Variants in CAMSAP1 observed in about 807,000 individuals in gnomAD.
The protein encoded by CAMSAP1 is calmodulin regulated spectrin associated protein 1.
A neutral mutation model predicts 143.5 loss-of-function variants in CAMSAP1; 58 were observed. The observed-to-expected ratio is 0.40, with a 90% CI of 0.33 to 0.50. The LOEUF is 0.50. Among genes scored for constraint, CAMSAP1 ranks in the 20% least tolerant of loss-of-function variants. The probability of loss-of-function intolerance (pLI) is 0.45; values close to 1 mark genes in which losing one functional copy is unlikely to be tolerated. For missense variants in CAMSAP1, 1,969 were observed against 2,115.7 expected, an observed-to-expected ratio of 0.93 and a Z score of 1.36; for synonymous variants, 945 against 859.3, an observed-to-expected ratio of 1.10 and a Z score of -1.74.
chr9:135,876,737 A>G (rs986156835), intron 3 of CAMSAP1, among the ~76,000 whole-genome samples: 7 of 152,172 alleles, frequency 4.6e-5, no homozygotes, highest in Non-Finnish European at 1.0e-4. Context: ...TGCTGGGCAC[A>G]GTAGCTGACA....
chr9:135,871,979 G>GT lies in CAMSAP1; in HGVS notation c.586-5444dup, dbSNP rs549517345. Among the ~76,000 whole-genome samples the GT allele has an allele frequency of 2.8e-3, 432 of 152,146 alleles. 1 individual carries two copies. The highest frequency in any genetic ancestry group is 3.9e-3 in the Non-Finnish European group (265 of 67,982). On this transcript the variant is annotated intron_variant, in intron 3 of 16. Coordinates refer to ENST00000389532, the MANE Select transcript of CAMSAP1 (RefSeq NM_015447.4). The stretch of plus-strand genomic sequence containing the variant: ...TAGCCGGGCATAGTGGCAGGCGCCT[G>GT]TAATCCCAGATACTCGGGAGGCTGG...
At chr9:135,872,303 G>A (rs1353173230) in intron 3 of CAMSAP1, among the ~76,000 whole-genome samples, 1 of 152,122 alleles carries the variant, frequency 6.6e-6, no homozygotes, top group East Asian at 1.9e-4. Flanking sequence ...GGTCAGCGAG[G>A]AAAAGATGCA....
At chr9:135,836,288 C>T (rs944343520) in intron 7 of CAMSAP1, 19 of 984,578 alleles carry the variant, frequency 1.9e-5, no homozygotes, top group Middle Eastern at 5.2e-4. Context: ...CACATCACCA[C>T]GTACCTTCTA....
intron 3 of CAMSAP1, among the ~76,000 whole-genome samples, chr9:135,877,151 C>CT (rs1175879935): frequency 1.3e-5 from 2 of 152,110 alleles, no homozygotes; most frequent in African/African-American, 4.8e-5. Flanking sequence ...CGATGGAACT[C>CT]TACCAAGCAC....
At chr9:135,891,010 C>A (rs1838273801) in intron 1 of CAMSAP1, among the ~76,000 whole-genome samples, 1 of 152,186 alleles carries the variant, frequency 6.6e-6, no homozygotes, top group South Asian at 2.1e-4. Context: ...GGAGGAGGGT[C>A]CATCCTGAAG....
chr9:135,821,123 G>A lies in CAMSAP1; in HGVS notation c.3538C>T (p.Leu1180Phe), dbSNP rs758642865. ...RLHDESNQRT[L>F]TLSSSKDANI... ...GCATCTTTGGAAGAGGACAGAGTAA[G>A]TGTCCGCTGATTGCTTTCATCATGG... The change falls in exon 11 of 17, where the codon CTT (leucine) becomes TTT (phenylalanine). Residue 1180 changes from leucine to phenylalanine, a missense_variant. This residue lies in a region of CAMSAP1 where 1,390 missense variants were observed against 1,420.8 expected (regional missense o/e 0.98). Transcript: ENST00000389532. This position sits in a 1 kb window ranked among gnomAD's most constrained non-coding sequence, Gnocchi z 4.6. The A allele has an allele frequency of 5.6e-6, 9 of 1,613,402 alleles. No homozygotes were observed. The South Asian group carries it at 9.9e-5, about 18-fold the overall frequency.
In CAMSAP1 at chr9:135,882,957, G is replaced by T; in HGVS notation, c.282C>A (p.Leu94=). Residue 94 remains leucine (L), a synonymous_variant, in exon 2 of 17, where the codon CTC becomes CTA. Coordinates refer to ENST00000389532, the MANE Select transcript of CAMSAP1 (RefSeq NM_015447.4). This position sits in a 1 kb window ranked among gnomAD's most constrained non-coding sequence, Gnocchi z 4.9. ...CGGCCACCTGGTCCCCTTTCAGGAT[G>T]AGGCTGCAGACACGGCAGTACAGCT... The part of the protein sequence containing the change: ...SSELYCRVCS[L]ILKGDQVAAL... 6.4e-7 allele frequency: 1 copy of T among 1,551,790 alleles called. No individual in the cohort carries two copies. The highest frequency in any genetic ancestry group is 8.7e-7 in the Non-Finnish European group (1 of 1,147,016).
intron 3 of CAMSAP1, among the ~76,000 whole-genome samples, chr9:135,868,942 G>A (rs553444760): frequency 6.6e-6 from 1 of 152,126 alleles, no homozygotes; most frequent in East Asian, 1.9e-4. Context: ...ATGAATGTAA[G>A]TTTTGATACT....
chr9:135,890,495 T>C (rs1359021061), intron 1 of CAMSAP1, among the ~76,000 whole-genome samples: 3 of 152,110 alleles, frequency 2.0e-5, no homozygotes, highest in Non-Finnish European at 4.4e-5. Context: ...CGGCAGGCTG[T>C]GTTTCTGGCA....
chr9:135,814,990 T>C (rs1835178675), intron 16 of CAMSAP1, 107 bp downstream of exon 16: 2 of 812,670 alleles, frequency 2.5e-6, no homozygotes, highest in Admixed American at 4.8e-5. Context: ...TTCTCCCTAG[T>C]AACTCTCATG....
intron 7 of CAMSAP1, among the ~76,000 whole-genome samples, chr9:135,835,729 A>T: frequency 6.6e-6 from 1 of 152,244 alleles, no homozygotes; most frequent in Non-Finnish European, 1.5e-5. Flanking sequence ...CTGTAAGCCC[A>T]GCACTTTGGG....
chr9:135,818,884 G>A lies in CAMSAP1; in HGVS notation c.3959+126C>T. ...GAAAGTTCGGGGAGGTGGTCCATGG[G>A]AGGAGTAAGACCGTCACAGGCACTC... On this transcript the variant is annotated intron_variant, in intron 12 of 16. Coordinates refer to ENST00000389532, the MANE Select transcript of CAMSAP1 (RefSeq NM_015447.4). The surrounding 1 kb of genome is among the most constrained non-coding windows in gnomAD (Gnocchi z 7.7). 4.3e-6 allele frequency: 6 copies of A among 1,408,360 alleles called. No homozygotes were observed. Among genetic ancestry groups the A allele is most frequent in the Non-Finnish European group, 5.7e-6 (6 of 1,045,752 alleles). The allele number at this position is 1,408,360 out of a possible 1,614,324, so 87.2% of individuals were successfully genotyped here. A position where few individuals can be genotyped will look rare whatever the true frequency, so the allele number is the denominator to read the frequency against.
chr9:135,844,132 A>C (rs1050763715), intron 7 of CAMSAP1, among the ~76,000 whole-genome samples: 8 of 152,234 alleles, frequency 5.3e-5, no homozygotes, highest in Non-Finnish European at 1.2e-4. Context: ...CTCCACCCCA[A>C]ATCAACAGAA....
In CAMSAP1 at chr9:135,887,791, G is replaced by A. The variant is rs1032448505; in HGVS notation, c.161-4713C>T. 2.8e-4 allele frequency among the ~76,000 whole-genome samples: 42 copies of A among 151,574 alleles called. 1 individual carries two copies. The highest frequency in any genetic ancestry group is 4.2e-4 in the South Asian group (2 of 4,790). On this transcript the variant is annotated intron_variant, in intron 1 of 16. Transcript: ENST00000389532. ...CAGAGTGAAAGTCAAACAAGGACAC[G>A]GGCAGGGCAGGGGCCCATGGAGACT...
In CAMSAP1 at chr9:135,815,081, G is replaced by A; in HGVS notation, c.4506+16C>T. On this transcript the variant is annotated intron_variant, in intron 16 of 16. Coordinates refer to ENST00000389532, the MANE Select transcript of CAMSAP1 (RefSeq NM_015447.4). ...TTTATTCCACATAAAAACTGAGGTTGAAACATGATACTTGCCTCCAATATG... is the reference window on the plus strand; with the variant it reads ...TTTATTCCACATAAAAACTGAGGTTAAAACATGATACTTGCCTCCAATATG... 2 of 1,563,874 alleles carry A rather than the reference G, an allele frequency of 1.3e-6. No individual in the cohort carries two copies. The highest frequency in any genetic ancestry group is 1.8e-6 in the Non-Finnish European group (2 of 1,138,088).
In CAMSAP1 at chr9:135,818,429, C is replaced by A; in HGVS notation, c.4147G>T (p.Gly1383Cys). ...VHREESCSDS[G>C]TKCSSTPDNL... ...TTACGGGTGGAGGAGCACTTGGTGC[C>A]GGAGTCGCTGCACGACTCTTCCCGG... The change falls in exon 13 of 17, where the codon GGC (glycine) becomes TGC (cysteine). Residue 1383 changes from glycine to cysteine, a missense_variant. Coordinates refer to ENST00000389532, the MANE Select transcript of CAMSAP1 (RefSeq NM_015447.4). The surrounding 1 kb of genome is among the most constrained non-coding windows in gnomAD (Gnocchi z 7.7). 1.3e-6 allele frequency: 2 copies of A among 1,590,594 alleles called. No individual in the cohort carries two copies. The highest frequency in any genetic ancestry group is 8.5e-7 in the Non-Finnish European group (1 of 1,173,914).
chr9:135,818,918 G>T lies in CAMSAP1; in HGVS notation c.3959+92C>A. 1 of 1,524,916 alleles carries T rather than the reference G, an allele frequency of 6.6e-7. No homozygotes were observed. The highest frequency in any genetic ancestry group is 1.4e-5 in the African/African-American group (1 of 73,014). 94.5% of individuals were successfully genotyped at this position (1,524,916 alleles called of 1,614,324 possible). On this transcript the variant is annotated intron_variant, in intron 12 of 16. Coordinates refer to ENST00000389532, the MANE Select transcript of CAMSAP1 (RefSeq NM_015447.4). This position sits in a 1 kb window ranked among gnomAD's most constrained non-coding sequence, Gnocchi z 7.7. ...GACCGTCACAGGCACTCATTGCCAT[G>T]GTCCATGCTCAGTGCCAGCAACGGG...
At position 135,887,465 on chromosome 9, in the gene CAMSAP1, A is replaced by G. The variant is rs1316965048; in HGVS notation, c.161-4387T>C. Among the ~76,000 whole-genome samples the G allele has an allele frequency of 2.0e-5, 3 of 152,198 alleles. No individual in the cohort carries two copies. In the South Asian group the frequency reaches 6.2e-4, roughly 32 times the overall value. On this transcript the variant is annotated intron_variant, in intron 1 of 16. Coordinates refer to ENST00000389532, the MANE Select transcript of CAMSAP1 (RefSeq NM_015447.4). Reference sequence around the variant, plus strand: ...CTGCTCTGAGGGGAAAGTGTGGCCAAAAAAGATGTGTCTGCTTTAAGGATT... The same window carrying G: ...CTGCTCTGAGGGGAAAGTGTGGCCAGAAAAGATGTGTCTGCTTTAAGGATT...
In CAMSAP1 at chr9:135,818,999, G is replaced by C; in HGVS notation, c.3959+11C>G. On this transcript the variant is annotated intron_variant, in intron 12 of 16. Coordinates refer to ENST00000389532, the MANE Select transcript of CAMSAP1 (RefSeq NM_015447.4). This position sits in a 1 kb window ranked among gnomAD's most constrained non-coding sequence, Gnocchi z 7.7. The stretch of plus-strand genomic sequence containing the variant: ...TGCTCAGTCTGCTTTCCCCCCCGGC[G>C]GGACGCTTACCGGGCTTCGTCACGC... 3 of 1,604,274 alleles carry C rather than the reference G, an allele frequency of 1.9e-6. No homozygotes were observed. The highest frequency in any genetic ancestry group is 1.3e-5 in the African/African-American group (1 of 74,980).
Sources: allele counts gnomAD v4.1 joint callset (sites outside exome capture counted in the v4.1 genomes callset), GRCh38; gene constraint gnomAD v4.1.1; regional missense constraint gnomAD v4.1.1; non-coding constraint Gnocchi (gnomAD v3.1); transcripts MANE v1.5; gene names NCBI Gene and HGNC (gene_info 2026-07-23, HGNC 2026-07-21).